The following SLC1A6 variants were observed in gnomAD, a reference collection of about 807,000 sequenced individuals.
SLC1A6 encodes the protein solute carrier family 1 member 6.
SLC1A6 carries 15 observed loss-of-function variants against 42.1 expected under a neutral mutation model. The observed-to-expected ratio is 0.36, with a 90% CI of 0.24 to 0.55. SLC1A6 has a LOEUF of 0.55. Ranked by LOEUF, SLC1A6 falls within the 20% of genes least tolerant of loss-of-function variation. SLC1A6 has a pLI of 0.88. For missense variants in SLC1A6, 542 were observed against 772.5 expected (o/e 0.70, Z 3.54); for synonymous variants, 317 against 319.7 (o/e 0.99, Z 0.09).
chr19:14,998,857 T>A (rs1412602436), intron 1 of SLC1A6, among the ~76,000 whole-genome samples: 1 of 116,618 alleles, frequency 8.6e-6, no homozygotes, highest in African/African-American at 2.9e-5. Flanking sequence ...ATAAGAAACA[T>A]TTATTTATTT....
At chr19:14,986,999 C>G (rs781708277) in intron 1 of SLC1A6, among the ~76,000 whole-genome samples, 1 of 152,118 alleles carries the variant, frequency 6.6e-6, no homozygotes, top group Non-Finnish European at 1.5e-5. Flanking sequence ...CTTACTTTTG[C>G]TCCATGAGTG....
At position 14,971,758 on chromosome 19, in the gene SLC1A6, T is replaced by C. The variant is rs1391838213; in HGVS notation, c.322A>G (p.Ile108Val). The C allele has an allele frequency of 6.2e-7, 1 of 1,613,984 alleles. No homozygotes were observed. Among genetic ancestry groups the C allele is most frequent in the Admixed American group, 1.7e-5 (1 of 60,016 alleles). ...TCACCTGTGACCAGGCTGGAGACAA[T>C]GAGAGGTAACACCAGCATCTGCAGC... is the stretch of plus-strand genomic sequence containing the variant. ...RMLQMLVLPL[I>V]VSSLVTGMAS... The change falls in exon 3 of 10, where the codon ATT (isoleucine) becomes GTT (valine). Residue 108 changes from isoleucine (I) to valine (V), a missense_variant. Ile to Val is a conservative substitution (Grantham distance 29). This residue lies in a region of SLC1A6 where 298 missense variants were observed against 419.4 expected (regional missense o/e 0.71). Coordinates refer to ENST00000594383, the MANE Select transcript of SLC1A6 (RefSeq NM_005071.3).
intron 1 of SLC1A6, among the ~76,000 whole-genome samples, chr19:14,994,003 T>C (rs1308753713): frequency 6.6e-6 from 1 of 152,152 alleles, no homozygotes; most frequent in Non-Finnish European, 1.5e-5. Flanking sequence ...CCTTTTGCAG[T>C]TGACCCCATT....
intron 1 of SLC1A6, among the ~76,000 whole-genome samples, chr19:14,993,397 A>G (rs2045830330): frequency 6.6e-6 from 1 of 152,102 alleles, no homozygotes; most frequent in South Asian, 2.1e-4. Context: ...CAAATGTACT[A>G]AAGTCACTGA....
At chr19:14,982,908 C>T (rs1012503202), upstream of SLC1A6, among the ~76,000 whole-genome samples, 12 of 152,026 alleles carry the variant, frequency 7.9e-5, no homozygotes, top group Admixed American at 3.3e-4. Flanking sequence ...CATATTTTTA[C>T]GAAAAATAAC....
At chr19:14,965,572 G>T (rs897446893) in intron 4 of SLC1A6, among the ~76,000 whole-genome samples, 2 of 152,088 alleles carry the variant, frequency 1.3e-5, no homozygotes, top group African/African-American at 4.8e-5. Flanking sequence ...GAAATAGGCT[G>T]GGTGCAGTGG....
intron 9 of SLC1A6, among the ~76,000 whole-genome samples, chr19:14,952,655 G>A (rs1410830722): frequency 6.6e-6 from 1 of 151,980 alleles, no homozygotes; most frequent in African/African-American, 2.4e-5. Flanking sequence ...TCACCTTTTG[G>A]TGACTTCTAC....
chr19:14,973,865 G>A (rs1272819647), intron 1 of SLC1A6: 1 of 152,322 alleles, frequency 6.6e-6, no homozygotes, highest in Non-Finnish European at 1.5e-5. Flanking sequence ...GAATGCCCAG[G>A]TGAGCAACAG....
Position 14,968,368 on chromosome 19 carries a change from C to T in SLC1A6, c.483G>A (p.Glu161=). ...CGATCCGGCCCTCCCGGTGCAGCCC[C>T]TCCTTGGAGCCCTTCCCGGGATGGA... ...TIIHPGKGSK[E]GLHREGRIET... Residue 161 remains glutamate (E), a synonymous_variant, in exon 4 of 10, where the codon GAG becomes GAA. Transcript: ENST00000594383. 1 of 1,613,922 alleles carries T rather than the reference C, an allele frequency of 6.2e-7. No homozygotes were observed. Among genetic ancestry groups the T allele is most frequent in the Non-Finnish European group, 8.5e-7 (1 of 1,179,944 alleles).
At chr19:14,963,895 G>C (rs557696063) in intron 5 of SLC1A6, 1 of 155,622 alleles carries the variant, frequency 6.4e-6, no homozygotes, top group African/African-American at 2.4e-5. Context: ...GAGTGCAGTG[G>C]TGTGACCACT....
At chr19:14,969,221 C>G (rs1220526944) in intron 3 of SLC1A6, among the ~76,000 whole-genome samples, 1 of 152,174 alleles carries the variant, frequency 6.6e-6, no homozygotes, top group African/African-American at 2.4e-5. Flanking sequence ...CACGGCGCAC[C>G]CTTTGTGGCA....
intron 1 of SLC1A6, chr19:15,010,381 T>G: frequency 2.5e-6 from 1 of 394,170 alleles, no homozygotes; most frequent in Non-Finnish European, 5.1e-6. Context: ...CTTCCAAGTG[T>G]GAAGGCGCTT....
upstream of SLC1A6, among the ~76,000 whole-genome samples, chr19:14,984,587 G>A (rs747043295): frequency 1.3e-5 from 2 of 152,182 alleles, no homozygotes; most frequent in Non-Finnish European, 2.9e-5. Context: ...AAGAACAGTT[G>A]CAATGCAGAA....
chr19:14,954,452 A>G (rs2045442805), intron 7 of SLC1A6, 123 bp from the exon 8 acceptor site: 2 of 851,074 alleles, frequency 2.3e-6, no homozygotes, highest in Non-Finnish European at 3.8e-6. Flanking sequence ...GCTGGGGAAC[A>G]GGGCGTGACC....
At chr19:14,985,236 T>A (rs1185633624) in intron 1 of SLC1A6, among the ~76,000 whole-genome samples, 1 of 152,240 alleles carries the variant, frequency 6.6e-6, no homozygotes, top group Non-Finnish European at 1.5e-5. Flanking sequence ...TATATTTCTT[T>A]CATTTTTGCA....
chr19:14,999,110 C>T (rs2045861339), intron 1 of SLC1A6, among the ~76,000 whole-genome samples: 1 of 152,000 alleles, frequency 6.6e-6, no homozygotes, highest in Non-Finnish European at 1.5e-5. Context: ...AATCTCCTGA[C>T]CTCGTGATTC....
chr19:14,976,221 A>T (rs1421348129), intron 1 of SLC1A6, among the ~76,000 whole-genome samples: 1 of 152,238 alleles, frequency 6.6e-6, no homozygotes, highest in East Asian at 1.9e-4. Context: ...GGATATCTGC[A>T]CTGGCATGTT....
chr19:14,994,977 C>T (rs985038680), intron 1 of SLC1A6, among the ~76,000 whole-genome samples: 5 of 152,042 alleles, frequency 3.3e-5, no homozygotes, highest in African/African-American at 1.2e-4. Context: ...GAAAGACAAA[C>T]ACTGCATGAT....
intron 1 of SLC1A6, among the ~76,000 whole-genome samples, chr19:14,987,849 T>C (rs558817839): frequency 3.3e-5 from 5 of 152,178 alleles, no homozygotes; most frequent in Non-Finnish European, 7.3e-5. Context: ...CGGTTTTGGC[T>C]TTTTTATTTG....
Sources: allele counts gnomAD v4.1 joint callset (sites outside exome capture counted in the v4.1 genomes callset), GRCh38; gene constraint gnomAD v4.1.1; regional missense constraint gnomAD v4.1.1; transcripts MANE v1.5; gene names NCBI Gene and HGNC (gene_info 2026-07-23, HGNC 2026-07-21).